ANKS1B: variants seen among roughly 807,000 people sequenced by gnomAD.
ANKS1B encodes ankyrin repeat and sterile alpha motif domain containing 1B, also known as ankyrin repeat and sterile alpha motif domain-containing protein 1B.
Under a neutral mutation model 148.3 loss-of-function variants are expected in ANKS1B, and 36 were observed. That is an observed-to-expected ratio of 0.24 (90% CI 0.19 to 0.32). ANKS1B has a LOEUF of 0.32. Among genes scored for constraint, ANKS1B ranks in the 10% least tolerant of loss-of-function variants. The probability of loss-of-function intolerance (pLI) is 1.00; values close to 1 mark genes in which losing one functional copy is unlikely to be tolerated. For missense variants in ANKS1B, 1,157 were observed against 1,542.6 expected (o/e 0.75, Z 4.19); for synonymous variants, 542 against 560.8 (o/e 0.97, Z 0.47).
chr12:98,892,461 T>C (rs1447842441), intron 17 of ANKS1B, among the ~76,000 whole-genome samples: 2 of 152,212 alleles, frequency 1.3e-5, no homozygotes, highest in East Asian at 3.8e-4. Flanking sequence ...TTCGAATATG[T>C]AGACTAACTT....
At position 99,329,890 on chromosome 12, in the gene ANKS1B, CATCAT is replaced by C. The variant is rs1437402798; in HGVS notation, c.1756+69736_1756+69740del. The stretch of plus-strand genomic sequence containing the variant: ...AGATTAGACAAAATCTACATGTTTA[CATCAT>C]ATGATGTATTAATAATTTCCAGAGC... On this transcript the variant is annotated intron_variant, in intron 12 of 26. Coordinates refer to ENST00000683438, the MANE Select transcript of ANKS1B (RefSeq NM_001352186.2). 2.0e-5 allele frequency among the ~76,000 whole-genome samples: 3 copies of C among 151,864 alleles called. No individual in the cohort carries two copies. The East Asian group carries it at 5.8e-4, about 29-fold the overall frequency.
intron 1 of ANKS1B, among the ~76,000 whole-genome samples, chr12:99,843,657 T>C (rs1028377578): frequency 2.6e-5 from 4 of 152,160 alleles, no homozygotes; most frequent in South Asian, 2.1e-4. Context: ...TAGTCTATCA[T>C]TGATGGGCAT....
At chr12:99,871,235 T>C (rs1308260842) in intron 1 of ANKS1B, among the ~76,000 whole-genome samples, 1 of 152,184 alleles carries the variant, frequency 6.6e-6, no homozygotes, top group East Asian at 1.9e-4. Flanking sequence ...TGTGGCTTCA[T>C]TTCTGGGTTC....
intron 10 of ANKS1B, among the ~76,000 whole-genome samples, chr12:99,472,324 T>G (rs1273137720): frequency 1.3e-5 from 2 of 152,142 alleles, no homozygotes; most frequent in African/African-American, 4.8e-5. Flanking sequence ...TTTCTTCATA[T>G]AAGATCAGGC....
rs185312412 is a variant in ANKS1B at position 98,935,971 on chromosome 12, A to G, written c.2779-103835T>C. 1.9e-3 allele frequency among the ~76,000 whole-genome samples: 292 copies of G among 152,378 alleles called. 1 individual carries two copies. Among genetic ancestry groups the G allele is most frequent in the African/African-American group, 6.7e-3 (278 of 41,600 alleles). On this transcript the variant is annotated intron_variant, in intron 17 of 26. Coordinates refer to ENST00000683438, the MANE Select transcript of ANKS1B (RefSeq NM_001352186.2). ...TAGTTTAGTCAACACCTTTTCCAGC[A>G]AGAAGCAAGAATTTCTTTCGTTTAT... is the stretch of plus-strand genomic sequence containing the variant.
intron 10 of ANKS1B, among the ~76,000 whole-genome samples, chr12:99,498,810 T>C (rs1351355867): frequency 1.3e-5 from 2 of 152,184 alleles, no homozygotes; most frequent in Non-Finnish European, 2.9e-5. Flanking sequence ...TTGCAAATTC[T>C]ACCTTTACTC....
intron 18 of ANKS1B, chr12:98,830,940 A>ATTCTT (rs1566958832): frequency 2.2e-5 from 1 of 45,528 alleles, no homozygotes; most frequent in Non-Finnish European, 3.8e-5. Flanking sequence ...CTACCTCATA[A>ATTCTT]TTTTTTTTTT....
At chr12:99,038,804 C>T (rs936702591) in intron 17 of ANKS1B, among the ~76,000 whole-genome samples, 2 of 152,206 alleles carry the variant, frequency 1.3e-5, no homozygotes, top group Admixed American at 1.3e-4. Context: ...ATGGCTTCTT[C>T]CCACACTTGG....
intron 14 of ANKS1B, among the ~76,000 whole-genome samples, chr12:99,193,438 C>A (rs921538596): frequency 6.6e-6 from 1 of 151,812 alleles, no homozygotes; most frequent in Non-Finnish European, 1.5e-5. Flanking sequence ...TAGTTCATAT[C>A]CACTTTTTGT....
chr12:99,686,933 C>T (rs1193549891), intron 8 of ANKS1B, among the ~76,000 whole-genome samples: 1 of 152,082 alleles, frequency 6.6e-6, no homozygotes, highest in African/African-American at 2.4e-5. Context: ...CATTGTGGAA[C>T]CTTTCATTTT....
intron 17 of ANKS1B, among the ~76,000 whole-genome samples, chr12:99,012,092 C>T (rs1309314215): frequency 6.6e-6 from 1 of 152,116 alleles, no homozygotes; most frequent in Non-Finnish European, 1.5e-5. Context: ...CAGGTGTGTG[C>T]AATTTTCTGT....
intron 12 of ANKS1B, among the ~76,000 whole-genome samples, chr12:99,322,287 A>G (rs2085421090): frequency 6.6e-6 from 1 of 152,078 alleles, no homozygotes; most frequent in Admixed American, 6.5e-5. Context: ...TCTCACTCAT[A>G]AGGGGTAGTT....
At chr12:98,894,434 AGCCCCCCTCCC>A (rs1192841306) in intron 17 of ANKS1B, among the ~76,000 whole-genome samples, 1 of 151,876 alleles carries the variant, frequency 6.6e-6, no homozygotes, top group African/African-American at 2.4e-5. Flanking sequence ...TGAAAAAAAA[AGCCCCCCTCCC>A]GCCCCCTCCG....
At chr12:99,181,516 C>T (rs2079107625) in intron 14 of ANKS1B, among the ~76,000 whole-genome samples, 1 of 152,028 alleles carries the variant, frequency 6.6e-6, no homozygotes, top group Non-Finnish European at 1.5e-5. Flanking sequence ...AGAACAAAAA[C>T]CAAGATGGCC....
chr12:98,778,065 C>A (rs945023759), intron 24 of ANKS1B, among the ~76,000 whole-genome samples: 3 of 152,200 alleles, frequency 2.0e-5, no homozygotes, highest in Non-Finnish European at 1.5e-5. Flanking sequence ...GGACTGAGGC[C>A]TTCAGGTCTC....
intron 17 of ANKS1B, among the ~76,000 whole-genome samples, chr12:98,974,435 G>A (rs1422621726): frequency 6.6e-6 from 1 of 152,130 alleles, no homozygotes; most frequent in Non-Finnish European, 1.5e-5. Context: ...TGAAATCAGT[G>A]CTTGCCCCAT....
chr12:99,813,740 T>C (rs2068731056), intron 2 of ANKS1B, among the ~76,000 whole-genome samples: 1 of 151,762 alleles, frequency 6.6e-6, no homozygotes, highest in South Asian at 2.1e-4. Context: ...GAGTCCTAAA[T>C]TGTCTAATGA....
At chr12:99,443,863 G>T in intron 10 of ANKS1B, 54 bp from the exon 11 acceptor site, 2 of 1,530,464 alleles carry the variant, frequency 1.3e-6, no homozygotes, top group Non-Finnish European at 1.8e-6. Context: ...TACCTTTTAA[G>T]ACTTGAAATT....
intron 1 of ANKS1B, among the ~76,000 whole-genome samples, chr12:99,902,901 C>A (rs2153773340): frequency 7.0e-6 from 1 of 143,296 alleles, no homozygotes; most frequent in East Asian, 2.0e-4. Flanking sequence ...CAGGCATGCA[C>A]CACCACGCCC....
Sources: gnomAD v4.1 joint callset for allele counts (sites outside exome capture counted in the v4.1 genomes callset) on GRCh38, gnomAD v4.1.1 for gene constraint, MANE v1.5 for transcripts, NCBI Gene and HGNC (gene_info 2026-07-23, HGNC 2026-07-21) for gene names.